The following MRPL48 variants were observed in gnomAD, a reference collection of about 807,000 sequenced individuals.
MRPL48 encodes mitochondrial ribosomal protein L48, also known as large ribosomal subunit protein mL48.
Under a neutral mutation model 32.9 loss-of-function variants are expected in MRPL48, and 16 were observed. The observed-to-expected ratio is 0.49, with a 90% CI of 0.33 to 0.74. The LOEUF is 0.74. Ranked by LOEUF, MRPL48 falls within the 30% of genes least tolerant of loss-of-function variation. The pLI, the probability that MRPL48 is intolerant of heterozygous loss-of-function variation, is 0.02. For missense variants in MRPL48, 206 were observed against 245.3 expected, an observed-to-expected ratio of 0.84 and a Z score of 1.07; for synonymous variants, 94 against 89.2, an observed-to-expected ratio of 1.05 and a Z score of -0.31.
At chr11:73,851,381 GTCC>G (rs1392554131) in intron 5 of MRPL48, among the ~76,000 whole-genome samples, 5 of 152,280 alleles carry the variant, frequency 3.3e-5, no homozygotes, top group Admixed American at 1.3e-4. Flanking sequence ...CTTATTTTAA[GTCC>G]TTCAGCCAAA....
At chr11:73,788,041 C>CAGAGAGGGGAGATGGCGGACGGTGT in intron 1 of MRPL48, 49 bp downstream of exon 1, 1 of 1,459,632 alleles carries the variant, frequency 6.9e-7, no homozygotes, top group Non-Finnish European at 9.4e-7. Flanking sequence ...GCGGACGGTG[C>CAGAGAGGGGAGATGGCGGACGGTGT]AGAGAGGGGA....
chr11:73,851,488 A>T (rs1948389102), intron 5 of MRPL48, among the ~76,000 whole-genome samples: 1 of 152,208 alleles, frequency 6.6e-6, no homozygotes, highest in South Asian at 2.1e-4. Flanking sequence ...TAGCTCTCAT[A>T]GCTGACAGTA....
At chr11:73,788,178 C>T in intron 1 of MRPL48, among the ~76,000 whole-genome samples, 186 bp downstream of exon 1, 1 of 152,106 alleles carries the variant, frequency 6.6e-6, no homozygotes, top group East Asian at 1.9e-4. Context: ...GAGCAGATTC[C>T]TTTCCACCCG....
intron 1 of MRPL48, among the ~76,000 whole-genome samples, chr11:73,797,573 G>A (rs1947279479): frequency 6.6e-6 from 1 of 152,212 alleles, no homozygotes; most frequent in Admixed American, 6.5e-5. Context: ...TGGTGCACCT[G>A]GTCCGGCCTC....
intron 1 of MRPL48, among the ~76,000 whole-genome samples, chr11:73,788,284 CACG>C (rs1947081151): frequency 6.6e-6 from 1 of 152,074 alleles, no homozygotes; most frequent in African/African-American, 2.4e-5. Context: ...CGATGGGAAT[CACG>C]ACACCAGGAT....
At chr11:73,843,828 C>T (rs539469249) in intron 4 of MRPL48, among the ~76,000 whole-genome samples, 6 of 152,182 alleles carry the variant, frequency 3.9e-5, no homozygotes, top group South Asian at 2.1e-4. Flanking sequence ...CCTGTAATCC[C>T]GGCACTTGGG....
intron 4 of MRPL48, among the ~76,000 whole-genome samples, chr11:73,829,762 A>G (rs777675965): frequency 6.6e-6 from 1 of 151,080 alleles, no homozygotes; most frequent in Non-Finnish European, 1.5e-5. Flanking sequence ...GAGTGTTTTT[A>G]TTGTTTTTGT....
intron 5 of MRPL48, among the ~76,000 whole-genome samples, chr11:73,846,381 C>T (rs1948287433): frequency 2.0e-5 from 3 of 151,964 alleles, no homozygotes; most frequent in Non-Finnish European, 4.4e-5. Flanking sequence ...TGCAGTGGTG[C>T]AATCTTAGCT....
At chr11:73,852,383 A>G (rs1448056705) in intron 5 of MRPL48, among the ~76,000 whole-genome samples, 5 of 144,902 alleles carry the variant, frequency 3.5e-5, no homozygotes, top group African/African-American at 1.3e-4. Flanking sequence ...GAGCTCAAAC[A>G]ACTCTATAGC....
At chr11:73,825,911 CTCAA>C (rs1947880940) in intron 4 of MRPL48, 115 bp downstream of exon 4, 1 of 896,944 alleles carries the variant, frequency 1.1e-6, no homozygotes, top group Admixed American at 3.1e-5. Context: ...AAAGTTGCCT[CTCAA>C]TCCTTGCCAG....
intron 3 of MRPL48, among the ~76,000 whole-genome samples, chr11:73,822,138 G>A (rs955885693): frequency 2.6e-5 from 4 of 152,046 alleles, no homozygotes; most frequent in Non-Finnish European, 4.4e-5. Context: ...ATGAAACTGG[G>A]GCAGCAGTCA....
chr11:73,844,337 A>G (rs991690251), intron 4 of MRPL48, among the ~76,000 whole-genome samples: 4 of 152,052 alleles, frequency 2.6e-5, no homozygotes, highest in Non-Finnish European at 4.4e-5. Flanking sequence ...AGGCTGAGGC[A>G]TGAGAATTAC....
chr11:73,792,821 T>C (rs1162197061), intron 1 of MRPL48, among the ~76,000 whole-genome samples: 1 of 152,234 alleles, frequency 6.6e-6, no homozygotes, highest in East Asian at 1.9e-4. Context: ...ATTATCATCA[T>C]TGTTACCAGT....
intron 1 of MRPL48, among the ~76,000 whole-genome samples, chr11:73,798,690 C>T (rs982797429): frequency 5.3e-5 from 8 of 151,964 alleles, no homozygotes; most frequent in African/African-American, 7.2e-5. Flanking sequence ...TGGTTGCGTA[C>T]GTGGGAAAGG....
chr11:73,857,255 C>T (rs547586960), intron 5 of MRPL48, among the ~76,000 whole-genome samples: 2 of 151,478 alleles, frequency 1.3e-5, no homozygotes, highest in Non-Finnish European at 3.0e-5. Flanking sequence ...CTCAGCCTCC[C>T]GAGTAGTAGG....
At chr11:73,847,685 C>A (rs141657991) in intron 5 of MRPL48, among the ~76,000 whole-genome samples, 1 of 152,158 alleles carries the variant, frequency 6.6e-6, no homozygotes, top group Non-Finnish European at 1.5e-5. Flanking sequence ...ACCTCGTGAT[C>A]TGCCCGCTTC....
chr11:73,856,386 GGCT>G (rs1230166715), intron 5 of MRPL48, among the ~76,000 whole-genome samples: 7 of 152,212 alleles, frequency 4.6e-5, no homozygotes, highest in Admixed American at 1.3e-4. Flanking sequence ...GATGGAATTG[GGCT>G]AGACAGCAGG....
Position 73,825,750 on chromosome 11 carries a change from C to T in MRPL48, c.155C>T (p.Pro52Leu), listed in dbSNP as rs768385421. 58 of 1,569,806 alleles carry T rather than the reference C, an allele frequency of 3.7e-5. No individual in the cohort carries two copies. The highest frequency in any genetic ancestry group is 4.7e-5 in the Non-Finnish European group (54 of 1,157,544). ...LSISRPYKTK[P>L]THGIGKYKHL... is the part of the protein sequence containing the mutation. ...ATCAGTCGGCCCTACAAGACAAAGC[C>T]CACCCACGGCATTGGAAAGTACAAG... is the stretch of plus-strand genomic sequence containing the variant. Residue 52 changes from proline (P) to leucine (L), a missense_variant, in exon 4 of 8, where the codon CCC (proline) becomes CTC (leucine). Pro to Leu is a moderately conservative substitution (Grantham distance 98). Transcript: ENST00000310614.
intron 3 of MRPL48, among the ~76,000 whole-genome samples, chr11:73,822,316 T>C (rs767351548): frequency 6.6e-5 from 10 of 152,154 alleles, no homozygotes; most frequent in Non-Finnish European, 1.3e-4. Flanking sequence ...AGAGTTAGTT[T>C]TTTCTTCCTC....
Sources: gnomAD v4.1 joint callset for allele counts (sites outside exome capture counted in the v4.1 genomes callset) on GRCh38, gnomAD v4.1.1 for gene constraint, MANE v1.5 for transcripts, NCBI Gene and HGNC (gene_info 2026-07-23, HGNC 2026-07-21) for gene names.